IQUB: variants seen among roughly 807,000 people sequenced by gnomAD.
The protein encoded by IQUB is IQ motif and ubiquitin-like domain-containing protein.
Under a neutral mutation model 86.4 loss-of-function variants are expected in IQUB, and 86 were observed. The ratio of observed to expected loss-of-function variants is 1.00; its 90% CI spans 0.84 to 1.19. The LOEUF is 1.19. Ranked by LOEUF, IQUB falls within the 50% of genes most tolerant of loss-of-function variation. The pLI is 0.00. For missense variants in IQUB, 946 were observed against 916.9 expected, an observed-to-expected ratio of 1.03 and a Z score of -0.41; for synonymous variants, 289 against 304.5, an observed-to-expected ratio of 0.95 and a Z score of 0.53.
Position 123,502,953 on chromosome 7 carries a change from C to T in IQUB, c.858G>A (p.Arg286=). 6.2e-7 allele frequency: 1 copy of T among 1,609,354 alleles called. No homozygotes were observed. The highest frequency in any genetic ancestry group is 1.1e-5 in the South Asian group (1 of 90,502). Residue 286 remains arginine, a synonymous_variant, in exon 5 of 13, where the codon AGG becomes AGA. Coordinates refer to ENST00000324698, the MANE Select transcript of IQUB (RefSeq NM_178827.5). The part of the protein sequence containing the change: ...RIPERLSIFC[R]DTQTVFQKKN... ...CAAATAAAAACATTACCTGCGTATC[C>T]CTACAAAATATACTGAGTCTTTCGG...
At chr7:123,527,546 G>A (rs914593756) in intron 1 of IQUB, among the ~76,000 whole-genome samples, 22 of 152,124 alleles carry the variant, frequency 1.4e-4, no homozygotes, top group South Asian at 2.1e-4. Context: ...CAGGACCCTC[G>A]GCTGCAGGTC....
At chr7:123,465,721 G>A (rs919038390) in intron 9 of IQUB, among the ~76,000 whole-genome samples, 40 of 152,094 alleles carry the variant, frequency 2.6e-4, no homozygotes, top group African/African-American at 9.1e-4. Context: ...ATGCTCTTCC[G>A]TACTTTGTAC....
Position 123,452,906 on chromosome 7 carries a change from A to C in IQUB, c.2213T>G (p.Ile738Ser), listed in dbSNP as rs751950461. ...SIEEGYERSFIHKIKHKHILA... is the reference protein window; with the variant it reads ...SIEEGYERSFSHKIKHKHILA... ...GATATGTTTGTGTTTGATCTTGTGA[A>C]TAAATGAGCGTTCATATCCCTGCAA... The change falls in exon 13 of 13, where the codon ATT (isoleucine) becomes AGT (serine). Residue 738 changes from isoleucine (I) to serine (S), a missense_variant. Transcript: ENST00000324698. The C allele has an allele frequency of 6.2e-7, 1 of 1,612,050 alleles. No individual in the cohort carries two copies. The highest frequency in any genetic ancestry group is 1.1e-5 in the South Asian group (1 of 90,884).
At chr7:123,454,870 T>G (rs1447428424) in intron 12 of IQUB, among the ~76,000 whole-genome samples, 2 of 142,642 alleles carry the variant, frequency 1.4e-5, no homozygotes, top group African/African-American at 4.9e-5. Context: ...GCACTGCTGC[T>G]GTTAATCTTG....
At chr7:123,498,680 T>A (rs899632056) in intron 6 of IQUB, among the ~76,000 whole-genome samples, 1 of 152,184 alleles carries the variant, frequency 6.6e-6, no homozygotes, top group Non-Finnish European at 1.5e-5. Flanking sequence ...TTCCTACTTA[T>A]ATGTCCCAGA....
intron 1 of IQUB, chr7:123,532,644 C>A (rs1217818316): frequency 6.6e-6 from 1 of 152,060 alleles, no homozygotes; most frequent in Non-Finnish European, 1.5e-5. Flanking sequence ...TAAAAGGGCT[C>A]AGAAAGCGGA....
intron 1 of IQUB, among the ~76,000 whole-genome samples, chr7:123,529,586 T>C (rs1359468605): frequency 2.0e-5 from 3 of 151,418 alleles, no homozygotes; most frequent in Admixed American, 6.6e-5. Flanking sequence ...CAATAATCTA[T>C]ATTAATTTTT....
Position 123,466,561 on chromosome 7 carries a change from T to C in IQUB, c.1582-1552A>G, listed in dbSNP as rs549740865. 4.3e-4 allele frequency among the ~76,000 whole-genome samples: 66 copies of C among 152,284 alleles called. 1 individual carries two copies. In the South Asian group the frequency reaches 0.014, roughly 32 times the overall value. ...AAAAGGCAGTCAATGCCTCTGCTGCTATGGAGATCTGTCTCCCTGGAAGAA... is the reference window on the plus strand; with the variant it reads ...AAAAGGCAGTCAATGCCTCTGCTGCCATGGAGATCTGTCTCCCTGGAAGAA... On this transcript the variant is annotated intron_variant, in intron 9 of 12. Coordinates refer to ENST00000324698, the MANE Select transcript of IQUB (RefSeq NM_178827.5).
chr7:123,452,990 T>G lies in IQUB; in HGVS notation c.2194-65A>C, dbSNP rs535033815. ...TATATTTTGCCAGGTAAAAATACTG[T>G]CATGCCTCGGTGCCTTTGCTTGTCA... is the stretch of plus-strand genomic sequence containing the variant. On this transcript the variant is annotated intron_variant, in intron 12 of 12. Transcript: ENST00000324698. The G allele has an allele frequency of 1.6e-5, 20 of 1,253,098 alleles. No homozygotes were observed. The East Asian group carries it at 5.0e-4, about 31-fold the overall frequency. 77.6% of individuals were successfully genotyped at this position (1,253,098 alleles called of 1,614,324 possible). A position where few individuals can be genotyped will look rare whatever the true frequency, so the allele number is the denominator to read the frequency against.
chr7:123,523,884 C>A (rs995904115), intron 1 of IQUB, among the ~76,000 whole-genome samples: 5 of 152,094 alleles, frequency 3.3e-5, no homozygotes, highest in African/African-American at 1.2e-4. Flanking sequence ...TTTTGTATAA[C>A]GTGTAAGGAA....
chr7:123,473,694 G>T (rs887606609), intron 8 of IQUB, among the ~76,000 whole-genome samples: 9 of 151,038 alleles, frequency 6.0e-5, no homozygotes, highest in East Asian at 5.8e-4. Context: ...TCCTGCCTCA[G>T]CCTCCCGAGT....
At chr7:123,455,859 G>C (rs138511264) in intron 12 of IQUB, among the ~76,000 whole-genome samples, 1 of 152,218 alleles carries the variant, frequency 6.6e-6, no homozygotes, top group East Asian at 1.9e-4. Flanking sequence ...ACTTTGGCCA[G>C]TGTGCACACA....
intron 1 of IQUB, among the ~76,000 whole-genome samples, chr7:123,515,666 T>C (rs1796605959): frequency 1.3e-5 from 2 of 152,290 alleles, no homozygotes; most frequent in African/African-American, 2.4e-5. Context: ...TCATTACTCA[T>C]TATAAAAATG....
intron 12 of IQUB, 93 bp downstream of exon 12, chr7:123,457,288 A>G: frequency 1.3e-6 from 2 of 1,489,304 alleles, no homozygotes; most frequent in Non-Finnish European, 1.8e-6. Flanking sequence ...TGATGGAAGT[A>G]TTTAAGCATG....
At chr7:123,468,793 T>C (rs1311018335) in intron 9 of IQUB, among the ~76,000 whole-genome samples, 1 of 152,204 alleles carries the variant, frequency 6.6e-6, no homozygotes, top group African/African-American at 2.4e-5. Flanking sequence ...AAATTTGATC[T>C]GTGACATCCA....
chr7:123,490,437 C>T (rs1562852770), intron 7 of IQUB, among the ~76,000 whole-genome samples: 1 of 152,048 alleles, frequency 6.6e-6, no homozygotes, highest in African/African-American at 2.4e-5. Flanking sequence ...GGAAAATTCA[C>T]AATTACAGTC....
At chr7:123,520,475 G>A (rs930914871) in intron 1 of IQUB, among the ~76,000 whole-genome samples, 3 of 152,152 alleles carry the variant, frequency 2.0e-5, no homozygotes, top group East Asian at 3.9e-4. Flanking sequence ...CTAAGTATAT[G>A]TGTGGGGAAG....
At chr7:123,518,418 T>G (rs1796747254) in intron 1 of IQUB, among the ~76,000 whole-genome samples, 1 of 152,168 alleles carries the variant, frequency 6.6e-6, no homozygotes, top group African/African-American at 2.4e-5. Flanking sequence ...TAAATACCTC[T>G]AAAATAAAAT....
chr7:123,513,297 C>T (rs994478942), intron 1 of IQUB, among the ~76,000 whole-genome samples: 6 of 151,848 alleles, frequency 4.0e-5, no homozygotes, highest in East Asian at 1.9e-4. Context: ...ATAAGCTATA[C>T]AAGATTAGAG....
Sources: allele counts gnomAD v4.1 joint callset (sites outside exome capture counted in the v4.1 genomes callset), GRCh38; gene constraint gnomAD v4.1.1; transcripts MANE v1.5; gene names NCBI Gene and HGNC (gene_info 2026-07-23, HGNC 2026-07-21).